The following ATG7 variants were observed in gnomAD, a reference collection of about 807,000 sequenced individuals.
ATG7 encodes ubiquitin-like modifier-activating enzyme ATG7.
ATG7 carries 70 observed loss-of-function variants against 82.4 expected under a neutral mutation model. The ratio of observed to expected loss-of-function variants is 0.85; its 90% confidence interval spans 0.70 to 1.04. The LOEUF (loss-of-function observed/expected upper bound fraction) is 1.04, where lower values mean the gene tolerates loss of function less well. ATG7 is among the 50% of genes least tolerant of loss of function. The probability of loss-of-function intolerance (pLI) is 0.00; values close to 1 mark genes in which losing one functional copy is unlikely to be tolerated. For missense variants in ATG7, 792 were observed against 864.3 expected, an observed-to-expected ratio of 0.92 and a Z score of 1.05; for synonymous variants, 287 against 313.0, an observed-to-expected ratio of 0.92 and a Z score of 0.88.
rs560897947 is a variant in ATG7, at chr3:11,430,490, AAATT to A, written c.2079+3569_2079+3572del. Among the ~76,000 whole-genome samples the A allele has an allele frequency of 2.7e-3, 412 of 152,342 alleles. 1 individual carries two copies. The highest frequency in any genetic ancestry group is 9.4e-3 in the African/African-American group (392 of 41,590). ...ATTTTAGCAACACAATCAAGATGCT[AAATT>A]AATTCTCATTTTGGGTTAACTATTT... On this transcript the variant is annotated intron_variant, in intron 20 of 20. Coordinates refer to ENST00000693202, the MANE Select transcript of ATG7 (RefSeq NM_001349232.2).
chr3:11,465,977 A>G (rs2086790161), intron 20 of ATG7, among the ~76,000 whole-genome samples: 1 of 152,186 alleles, frequency 6.6e-6, no homozygotes, highest in Non-Finnish European at 1.5e-5. Context: ...CATTCTTTTC[A>G]TTTGTGTCTT....
chr3:11,563,135 C>T, the ATG7 span, among the ~76,000 whole-genome samples: 1 of 152,244 alleles, frequency 6.6e-6, no homozygotes, highest in Non-Finnish European at 1.5e-5. Context: ...CAAGGGCCCA[C>T]CCTGACCATG....
chr3:11,342,679 T>C (rs930453701), intron 13 of ATG7, among the ~76,000 whole-genome samples: 1 of 152,198 alleles, frequency 6.6e-6, no homozygotes, highest in Admixed American at 6.5e-5. Context: ...TGACTGTAGC[T>C]ACCTTTCTGT....
intron 19 of ATG7, among the ~76,000 whole-genome samples, chr3:11,396,918 G>A (rs1254193976): frequency 6.6e-6 from 1 of 152,034 alleles, no homozygotes; most frequent in Non-Finnish European, 1.5e-5. Context: ...ACTGAGATAA[G>A]TCAAGGATAT....
rs201706487 is a variant in ATG7 at position 11,426,822 on chromosome 3, C to A, written c.1975C>A (p.Arg659=). The change falls in exon 20 of 21, where the codon CGA becomes AGA. Residue 659 remains arginine (R), a synonymous_variant. Transcript: ENST00000693202. ...CSSKVLDQYE[R]EGFNFLAKVF... ...TTTACAGGTTCTTGATCAATATGAA[C>A]GAGAAGGATTTAACTTCCTAGCCAA... 5.0e-6 allele frequency: 8 copies of A among 1,606,830 alleles called. No homozygotes were observed. Among genetic ancestry groups the A allele is most frequent in the Non-Finnish European group, 6.8e-6 (8 of 1,177,088 alleles).
intron 14 of ATG7, among the ~76,000 whole-genome samples, chr3:11,352,422 G>A (rs1384432173): frequency 5.3e-5 from 8 of 152,128 alleles, no homozygotes; most frequent in Non-Finnish European, 8.8e-5. Context: ...TTGAGTAATC[G>A]CCACACTGTC....
At chr3:11,467,188 C>A (rs2086921361) in intron 20 of ATG7, among the ~76,000 whole-genome samples, 1 of 152,066 alleles carries the variant, frequency 6.6e-6, no homozygotes, top group Non-Finnish European at 1.5e-5. Context: ...TCTGCAGATT[C>A]TTTGGTTTCT....
At chr3:11,362,752 A>T in intron 16 of ATG7, 61 bp from the exon 17 acceptor site, 1 of 1,367,506 alleles carries the variant, frequency 7.3e-7, no homozygotes, top group Non-Finnish European at 1.0e-6. Flanking sequence ...TTCATACTTG[A>T]GACAGCTAGA....
At chr3:11,545,065 T>C (rs1400907493) in intron 20 of ATG7, among the ~76,000 whole-genome samples, 1 of 152,128 alleles carries the variant, frequency 6.6e-6, no homozygotes, top group Non-Finnish European at 1.5e-5. Context: ...AGGAGCTTTC[T>C]AAGCCAAAGA....
intron 19 of ATG7, among the ~76,000 whole-genome samples, chr3:11,403,841 T>C (rs1419473425): frequency 6.6e-6 from 1 of 152,228 alleles, no homozygotes; most frequent in Middle Eastern, 3.2e-3. Flanking sequence ...GCACTCCTTA[T>C]GCAGAAACAC....
Position 11,549,705 on chromosome 3 carries a change from G to T in ATG7, c.2080-5106G>T, listed in dbSNP as rs1290125054. The stretch of plus-strand genomic sequence containing the variant: ...GAGTAAGACTGCTGCGGACATTCTG[G>T]CTCAAGTTTTTCTGTGGACATGTGT... On this transcript the variant is annotated intron_variant, in intron 20 of 20. Coordinates refer to ENST00000693202, the MANE Select transcript of ATG7 (RefSeq NM_001349232.2). 3.3e-5 allele frequency among the ~76,000 whole-genome samples: 5 copies of T among 152,300 alleles called. No individual in the cohort carries two copies. In the East Asian group the frequency reaches 9.6e-4, roughly 29 times the overall value.
At chr3:11,440,321 C>T (rs946682904) in intron 20 of ATG7, among the ~76,000 whole-genome samples, 3 of 67,158 alleles carry the variant, frequency 4.5e-5, no homozygotes, top group Admixed American at 1.8e-4. Context: ...CTGGCCTTTA[C>T]TCTTTTTTTT....
chr3:11,419,415 A>C (rs759521238), intron 19 of ATG7, among the ~76,000 whole-genome samples: 2 of 152,138 alleles, frequency 1.3e-5, no homozygotes, highest in Non-Finnish European at 2.9e-5. Flanking sequence ...TTAGCCAGGA[A>C]TGGTGGTGTG....
chr3:11,559,611 C>T (rs1409858342), downstream of ATG7, among the ~76,000 whole-genome samples: 1 of 152,250 alleles, frequency 6.6e-6, no homozygotes, highest in Non-Finnish European at 1.5e-5. Context: ...TTGCTAAACA[C>T]AGCCAATCCA....
rs34065629 is a variant in ATG7, at chr3:11,503,755, C to CAAA, written c.2080-51035_2080-51033dup. On this transcript the variant is annotated intron_variant, in intron 20 of 20. Coordinates refer to ENST00000693202, the MANE Select transcript of ATG7 (RefSeq NM_001349232.2). Reference sequence around the variant, plus strand: ...TGGGCAACAGACCGAGACTCTGTCTCAAAAAAAAAAAAAAAAAAAAAAATC... The same window carrying CAAA: ...TGGGCAACAGACCGAGACTCTGTCTCAAAAAAAAAAAAAAAAAAAAAAAAAATC... 2.0e-3 allele frequency among the ~76,000 whole-genome samples: 156 copies of CAAA among 76,620 alleles called. 4 individuals carry two copies. The highest frequency in any genetic ancestry group is 0.019 in the Middle Eastern group (2 of 108). The allele number at this position is 76,620 out of a possible 152,430, so 50.3% of individuals were successfully genotyped here.
At chr3:11,525,884 C>CT (rs1559799549) in intron 20 of ATG7, among the ~76,000 whole-genome samples, 1 of 152,108 alleles carries the variant, frequency 6.6e-6, no homozygotes, top group African/African-American at 2.4e-5. Flanking sequence ...CAAAAGACCA[C>CT]TAGCAGCTGC....
intron 19 of ATG7, among the ~76,000 whole-genome samples, chr3:11,400,970 G>A (rs1411577718): frequency 1.3e-5 from 2 of 152,164 alleles, no homozygotes; most frequent in African/African-American, 4.8e-5. Context: ...ATTTCTTTTA[G>A]GAGAAATAGC....
intron 10 of ATG7, 135 bp downstream of exon 10, chr3:11,331,563 C>T (rs1198524389): frequency 1.3e-6 from 1 of 784,498 alleles, no homozygotes; most frequent in Non-Finnish European, 2.1e-6. Context: ...ACCAGGTAAT[C>T]AATAAATCAG....
intron 20 of ATG7, among the ~76,000 whole-genome samples, chr3:11,474,461 A>C (rs1224005451): frequency 6.6e-6 from 1 of 152,154 alleles, no homozygotes; most frequent in Non-Finnish European, 1.5e-5. Flanking sequence ...TTAGCTGGGC[A>C]TGGTGGTGTG....
Sources: allele counts gnomAD v4.1 joint callset (sites outside exome capture counted in the v4.1 genomes callset), GRCh38; gene constraint gnomAD v4.1.1; transcripts MANE v1.5; gene names NCBI Gene and HGNC (gene_info 2026-07-23, HGNC 2026-07-21).